DOCK2: variants seen among roughly 807,000 people sequenced by gnomAD.
DOCK2 encodes dedicator of cytokinesis protein 2.
Under a neutral mutation model 248.9 loss-of-function variants are expected in DOCK2, and 87 were observed. The ratio of observed to expected loss-of-function variants is 0.35; its 90% CI spans 0.29 to 0.42. The LOEUF (loss-of-function observed/expected upper bound fraction) is 0.42. Among genes scored for constraint, DOCK2 ranks in the 10% least tolerant of loss-of-function variants. DOCK2 has a pLI of 1.00. For synonymous variants in DOCK2, 805 were observed against 821.6 expected (o/e 0.98, Z 0.35); for missense variants, 1,747 against 2,300.2 (o/e 0.76, Z 4.92).
At chr5:169,654,154 C>T (rs1757961354) in intron 1 of DOCK2, among the ~76,000 whole-genome samples, 1 of 152,238 alleles carries the variant, frequency 6.6e-6, no homozygotes, top group South Asian at 2.1e-4. Context: ...AAATAGCAGC[C>T]TCCTTGTCAC....
intron 27 of DOCK2, among the ~76,000 whole-genome samples, chr5:169,965,220 T>C (rs1777252614): frequency 6.6e-6 from 1 of 152,222 alleles, no homozygotes; most frequent in Non-Finnish European, 1.5e-5. Flanking sequence ...GCTCCTTAAA[T>C]TTCCATGGGC....
chr5:169,655,286 A>G lies in DOCK2; in HGVS notation c.127+800A>G, dbSNP rs939676936. On this transcript the variant is annotated intron_variant, in intron 2 of 51. Coordinates refer to ENST00000520908, the MANE Select transcript of DOCK2 (RefSeq NM_004946.3). The stretch of plus-strand genomic sequence containing the variant: ...TGGGCCTGCTGATACCTCCTGCTGC[A>G]TGGAGGGCACAGAGCCTGGGCTTCC... 5.9e-5 allele frequency among the ~76,000 whole-genome samples: 9 copies of G among 152,152 alleles called. No homozygotes were observed. The East Asian group carries it at 1.5e-3, about 26-fold the overall frequency.
rs879318664 is a variant in DOCK2 at position 169,719,920 on chromosome 5, TA to T, written c.2267+1143del. Among the ~76,000 whole-genome samples, 1,307 of 140,372 alleles carry T rather than the reference TA, an allele frequency of 9.3e-3. 26 individuals carry two copies. The highest frequency in any genetic ancestry group is 0.085 in the East Asian group (421 of 4,944). 92.1% of individuals were successfully genotyped at this position (140,372 alleles called of 152,430 possible). A position where few individuals can be genotyped will look rare whatever the true frequency, so the allele number is the denominator to read the frequency against. Reference sequence around the variant, plus strand: ...GGCAACAAAGCAAGACTCTGACTCTTAAAAAAAAAAAAAAGACCATCATTGT... The same window carrying T: ...GGCAACAAAGCAAGACTCTGACTCTTAAAAAAAAAAAAAGACCATCATTGT... On this transcript the variant is annotated intron_variant, in intron 22 of 51. Coordinates refer to ENST00000520908, the MANE Select transcript of DOCK2 (RefSeq NM_004946.3).
chr5:169,903,481 C>G (rs1774072033), intron 27 of DOCK2, among the ~76,000 whole-genome samples: 1 of 139,898 alleles, frequency 7.1e-6, no homozygotes, highest in East Asian at 2.1e-4. Flanking sequence ...TCCTCAAGGG[C>G]AGGGTTGTCT....
In DOCK2 at chr5:170,056,717, C is replaced by A; in HGVS notation, c.4329C>A (p.His1443Gln). 1 of 1,614,136 alleles carries A rather than the reference C, an allele frequency of 6.2e-7. No homozygotes were observed. Among genetic ancestry groups the A allele is most frequent in the Non-Finnish European group, 8.5e-7 (1 of 1,179,992 alleles). Residue 1443 changes from histidine (H) to glutamine (Q), a missense_variant, in exon 43 of 52, where the codon CAC becomes CAA. His to Gln is a conservative substitution (Grantham distance 24). Transcript: ENST00000520908. ...FYKSNYVQRF[H>Q]YSRPVRRGTV... ...AATCCAACTACGTGCAAAGGTTCCA[C>A]TACTCCCGGCCCGTGCGCAGGGGGA...
At chr5:169,908,155 CA>C (rs1260566313) in intron 27 of DOCK2, among the ~76,000 whole-genome samples, 2 of 152,130 alleles carry the variant, frequency 1.3e-5, no homozygotes, top group Non-Finnish European at 2.9e-5. Flanking sequence ...TCACTAATGC[CA>C]GAAAGGAATT....
chr5:169,872,045 C>A (rs1401886473), intron 27 of DOCK2, among the ~76,000 whole-genome samples: 2 of 152,156 alleles, frequency 1.3e-5, no homozygotes, highest in African/African-American at 4.8e-5. Context: ...GCCAACAAGC[C>A]ACTGCCATCA....
chr5:169,753,336 C>CCGATGTT (rs1325699708), intron 23 of DOCK2, among the ~76,000 whole-genome samples: 1 of 151,966 alleles, frequency 6.6e-6, no homozygotes, highest in African/African-American at 2.4e-5. Flanking sequence ...GCTATTTGTC[C>CCGATGTT]CGATGTTCTC....
chr5:169,707,325 C>T (rs1229569071), intron 14 of DOCK2, among the ~76,000 whole-genome samples: 1 of 152,170 alleles, frequency 6.6e-6, no homozygotes, highest in Non-Finnish European at 1.5e-5. Context: ...TCACTCTCTG[C>T]TCAGAAAGCC....
intron 42 of DOCK2, chr5:170,056,432 A>T: frequency 2.7e-6 from 1 of 367,950 alleles, no homozygotes. Flanking sequence ...AATTGCCTGG[A>T]TACTCTAGGG....
Position 169,708,126 on chromosome 5 carries a change from C to A in DOCK2, c.1384-43C>A, listed in dbSNP as rs750028981. The stretch of plus-strand genomic sequence containing the variant: ...AAACCTGCACAAGCACAGAAAATGA[C>A]AATTCTGTAGTCTTTTCCCTCACTT... On this transcript the variant is annotated intron_variant, in intron 14 of 51. Coordinates refer to ENST00000520908, the MANE Select transcript of DOCK2 (RefSeq NM_004946.3). 14 of 1,593,866 alleles carry A rather than the reference C, an allele frequency of 8.8e-6. No individual in the cohort carries two copies. In the African/African-American group the frequency reaches 1.3e-4, roughly 15 times the overall value.
At chr5:170,078,080 C>T (rs1240559352) in intron 48 of DOCK2, among the ~76,000 whole-genome samples, 1 of 152,192 alleles carries the variant, frequency 6.6e-6, no homozygotes, top group Non-Finnish European at 1.5e-5. Flanking sequence ...CAGGAGTCAC[C>T]TGCAGCCCCC....
At chr5:169,941,426 T>C (rs893052548) in intron 27 of DOCK2, among the ~76,000 whole-genome samples, 2 of 152,128 alleles carry the variant, frequency 1.3e-5, no homozygotes. Context: ...GAGAGGCTTC[T>C]GTCTGAAGGC....
intron 30 of DOCK2, among the ~76,000 whole-genome samples, chr5:170,001,692 C>T (rs530704875): frequency 4.6e-5 from 7 of 152,252 alleles, no homozygotes; most frequent in Admixed American, 1.3e-4. Flanking sequence ...TTCCCAAGCA[C>T]GTGCTGGCTC....
intron 27 of DOCK2, chr5:169,841,268 T>C: frequency 1.1e-6 from 1 of 923,066 alleles, no homozygotes; most frequent in Non-Finnish European, 1.3e-6. Context: ...CATTGCGTGT[T>C]AATTCTGCCC....
intron 33 of DOCK2, 64 bp from the exon 34 acceptor site, chr5:170,027,799 A>C: frequency 1.4e-6 from 2 of 1,472,036 alleles, no homozygotes. Flanking sequence ...GAAATAATGA[A>C]TTGACTAATT....
chr5:169,738,236 A>T (rs1763141754), intron 22 of DOCK2, among the ~76,000 whole-genome samples: 1 of 152,240 alleles, frequency 6.6e-6, no homozygotes, highest in Non-Finnish European at 1.5e-5. Context: ...AGGATTTTCA[A>T]CAGGAAAATG....
In DOCK2 at chr5:169,807,833, C is replaced by CAAAAAAAAAAAAA. The variant is rs61670398; in HGVS notation, c.2703+4641_2703+4653dup. 9.1e-4 allele frequency among the ~76,000 whole-genome samples: 22 copies of CAAAAAAAAAAAAA among 24,230 alleles called. 1 individual carries two copies. Among genetic ancestry groups the CAAAAAAAAAAAAA allele is most frequent in the African/African-American group, 1.7e-3 (19 of 11,180 alleles). The allele number at this position is 24,230 out of a possible 152,430, so 15.9% of individuals were successfully genotyped here. ...TGGGAGACAGAGCAAGACTCTGTCT[C>CAAAAAAAAAAAAA]AAAAAAAAAAAAAAAAAAAAAAAAA... On this transcript the variant is annotated intron_variant, in intron 26 of 51. Transcript: ENST00000520908.
At chr5:169,795,477 G>A (rs1016549203) in intron 25 of DOCK2, among the ~76,000 whole-genome samples, 4 of 152,086 alleles carry the variant, frequency 2.6e-5, no homozygotes, top group Non-Finnish European at 5.9e-5. Flanking sequence ...TGTTTCTGGG[G>A]GTGAGGCAAG....
Sources: gnomAD v4.1 joint callset for allele counts (sites outside exome capture counted in the v4.1 genomes callset) on GRCh38, gnomAD v4.1.1 for gene constraint, MANE v1.5 for transcripts, NCBI Gene and HGNC (gene_info 2026-07-23, HGNC 2026-07-21) for gene names.